Variants in ANAPC1 observed in about 807,000 individuals in gnomAD.
ANAPC1 encodes the protein anaphase-promoting complex subunit 1.
A neutral mutation model predicts 208.0 loss-of-function variants in ANAPC1; 36 were observed. That is an observed-to-expected ratio of 0.17 (90% CI 0.13 to 0.23). ANAPC1 has a LOEUF of 0.23. Ranked by LOEUF, ANAPC1 falls within the 10% of genes least tolerant of loss-of-function variation. ANAPC1 has a pLI of 1.00. For synonymous variants in ANAPC1, 378 were observed against 695.2 expected (o/e 0.54, Z 7.18); for missense variants, 942 against 2,011.6 (o/e 0.47, Z 10.17).
In ANAPC1 at chr2:111,805,861, T is replaced by C. The variant is rs1324917659; in HGVS notation, c.3865A>G (p.Thr1289Ala). 4 of 373,000 alleles carry C rather than the reference T, an allele frequency of 1.1e-5. No individual in the cohort carries two copies. The highest frequency in any genetic ancestry group is 8.5e-5 in the African/African-American group (2 of 23,584). 23.1% of individuals were successfully genotyped at this position (373,000 alleles called of 1,614,324 possible). A position where few individuals can be genotyped will look rare whatever the true frequency, so the allele number is the denominator to read the frequency against. The change falls in exon 30 of 48, where the codon ACT becomes GCT. Residue 1289 changes from threonine (T) to alanine (A), a missense_variant. Thr to Ala is a moderately conservative substitution (Grantham distance 58). Transcript: ENST00000341068. ...GCTAAGGAGTATGACTCTCTGTCAG[T>C]GCAGTATTCCATTTCAGGACCAGGA... ...RPPGPEMEYCTDRESYSLAAG... is the reference protein window; with the variant it reads ...RPPGPEMEYCADRESYSLAAG...
intron 42 of ANAPC1, 37 bp from the exon 43 acceptor site, chr2:111,782,544 C>G: frequency 6.2e-7 from 1 of 1,612,258 alleles, no homozygotes. Flanking sequence ...TAAGGTATTA[C>G]TGGCAGTTCT....
At chr2:111,846,534 CATAT>C (rs1158119946) in intron 16 of ANAPC1, among the ~76,000 whole-genome samples, 4,781 of 68,104 alleles carry the variant, frequency 0.07, 275 homozygotes, top group Middle Eastern at 0.11. Context: ...TATACATATA[CATAT>C]ATATATATAT....
intron 10 of ANAPC1, among the ~76,000 whole-genome samples, chr2:111,862,131 T>C (rs1346168591): frequency 6.6e-6 from 1 of 151,408 alleles, no homozygotes; most frequent in African/African-American, 2.4e-5. Context: ...CTCGAACTCC[T>C]AGGCTCAAGT....
chr2:111,799,033 CAA>C (rs71279117), intron 34 of ANAPC1, among the ~76,000 whole-genome samples: 3 of 112,952 alleles, frequency 2.7e-5, no homozygotes, highest in Non-Finnish European at 1.8e-5. Context: ...GACTCCATCT[CAA>C]AAAAAAAAAA....
At chr2:111,855,698 T>C (rs1370310005) in intron 13 of ANAPC1, among the ~76,000 whole-genome samples, 1 of 152,078 alleles carries the variant, frequency 6.6e-6, no homozygotes, top group Non-Finnish European at 1.5e-5. Flanking sequence ...CTGTAAAAAC[T>C]AGTAATACAA....
At chr2:111,883,725 G>A (rs1168573401) in intron 1 of ANAPC1, among the ~76,000 whole-genome samples, 1 of 152,208 alleles carries the variant, frequency 6.6e-6, no homozygotes. Context: ...TCAGGAAAGA[G>A]GTTGGCAAGC....
chr2:111,769,534 A>G (rs1267326489), intron 47 of ANAPC1, 128 bp from the exon 48 acceptor site: 1 of 609,966 alleles, frequency 1.6e-6, no homozygotes, highest in Non-Finnish European at 3.0e-6. Flanking sequence ...ATGACTATGC[A>G]AAGACAATAT....
At chr2:111,806,502 G>A (rs563280713) in intron 29 of ANAPC1, among the ~76,000 whole-genome samples, 129 of 51,656 alleles carry the variant, frequency 2.5e-3, no homozygotes, top group Non-Finnish European at 4.2e-3. Context: ...ACTCCAGCCT[G>A]GGTGACAGAG....
intron 1 of ANAPC1, 96 bp from the exon 2 acceptor site, chr2:111,880,945 C>T (rs2104617316): frequency 9.2e-7 from 1 of 1,085,752 alleles, no homozygotes; most frequent in East Asian, 2.6e-5. Flanking sequence ...ACATGGGTGT[C>T]AAGTAATTAT....
At chr2:111,810,937 G>C (rs1217604682) in intron 28 of ANAPC1, among the ~76,000 whole-genome samples, 1 of 149,946 alleles carries the variant, frequency 6.7e-6, no homozygotes, top group South Asian at 2.1e-4. Flanking sequence ...CTGGAGAAGT[G>C]AACAGGATCA....
At chr2:111,867,774 G>A (rs916668892) in intron 7 of ANAPC1, among the ~76,000 whole-genome samples, 11 of 151,222 alleles carry the variant, frequency 7.3e-5, no homozygotes, top group African/African-American at 2.7e-4. Flanking sequence ...AATTATTAAA[G>A]AACAAAGCAT....
chr2:111,787,128 G>A (rs1327632909), intron 39 of ANAPC1, among the ~76,000 whole-genome samples: 41 of 142,694 alleles, frequency 2.9e-4, no homozygotes, highest in Admixed American at 1.1e-3. Context: ...CAGCCTGGGC[G>A]ACAGAGCGAG....
At position 111,870,423 on chromosome 2, in the gene ANAPC1, A is replaced by T. The variant is rs1573509453; in HGVS notation, c.611+2207T>A. Among the ~76,000 whole-genome samples, 3 of 152,336 alleles carry T rather than the reference A, an allele frequency of 2.0e-5. No individual in the cohort carries two copies. The South Asian group carries it at 6.2e-4, about 32-fold the overall frequency. The stretch of plus-strand genomic sequence containing the variant: ...AATAATGGCCATTCCTTAAAGAGTA[A>T]GGTGAGATCTCACTGTGGTTTTAAT... On this transcript the variant is annotated intron_variant, in intron 6 of 47. Transcript: ENST00000341068.
At chr2:111,817,316 C>G (rs2104418746) in intron 27 of ANAPC1, among the ~76,000 whole-genome samples, 1 of 151,048 alleles carries the variant, frequency 6.6e-6, no homozygotes, top group African/African-American at 2.4e-5. Context: ...TGCTAAATCA[C>G]CCAGATTGAA....
intron 20 of ANAPC1, among the ~76,000 whole-genome samples, chr2:111,832,650 C>A (rs553121126): frequency 6.6e-6 from 1 of 152,198 alleles, no homozygotes; most frequent in East Asian, 1.9e-4. Context: ...TCCTTGGTGG[C>A]CTGGCGCGGT....
At chr2:111,847,372 C>T (rs1032538276) in intron 15 of ANAPC1, among the ~76,000 whole-genome samples, 174 bp from the exon 16 acceptor site, 14 of 152,126 alleles carry the variant, frequency 9.2e-5, no homozygotes, top group African/African-American at 1.7e-4. Flanking sequence ...TAATTATTTG[C>T]AAAATGTTTT....
chr2:111,858,401 T>C lies in ANAPC1; in HGVS notation c.1263A>G (p.Arg421=). The part of the protein sequence containing the change: ...HLWTETITNI[R]EKNSQASKVF... ...CTTTTGAGGCTTGTGAATTTTTCTC[T>C]CTATAATAGATACATTAATAAAGTA... Residue 421 remains arginine (R), a splice_region_variant and synonymous_variant, in exon 11 of 48, where the codon AGA becomes AGG. Transcript: ENST00000341068. 6.2e-7 allele frequency: 1 copy of C among 1,608,596 alleles called. No individual in the cohort carries two copies. Among genetic ancestry groups the C allele is most frequent in the South Asian group, 1.1e-5 (1 of 90,900 alleles).
At chr2:111,837,626 A>G (rs140002981) in intron 18 of ANAPC1, among the ~76,000 whole-genome samples, 5,588 of 99,364 alleles carry the variant, frequency 0.056, no homozygotes, top group African/African-American at 0.21. Flanking sequence ...AAAAAAAACC[A>G]CACAAGGAAA....
At chr2:111,837,489 G>A (rs1488889512) in intron 18 of ANAPC1, among the ~76,000 whole-genome samples, 4 of 152,008 alleles carry the variant, frequency 2.6e-5, no homozygotes, top group Admixed American at 1.3e-4. Context: ...GCGTGGTGGC[G>A]CATGCCTATA....
Sources: gnomAD v4.1 joint callset for allele counts (sites outside exome capture counted in the v4.1 genomes callset) on GRCh38, gnomAD v4.1.1 for gene constraint, MANE v1.5 for transcripts, NCBI Gene and HGNC (gene_info 2026-07-23, HGNC 2026-07-21) for gene names.